The following DCTN6 variants were observed in gnomAD, a reference collection of about 807,000 sequenced individuals.
DCTN6 encodes dynactin subunit 6.
In DCTN6, 15 loss-of-function variants were observed where a neutral mutation model predicts 25.8. The observed-to-expected ratio is 0.58, with a 90% confidence interval of 0.39 to 0.89. The LOEUF (loss-of-function observed/expected upper bound fraction) is 0.89, where lower values mean the gene tolerates loss of function less well. DCTN6 is among the 40% of genes least tolerant of loss of function. The probability of loss-of-function intolerance (pLI) is 0.00; values close to 1 mark genes in which losing one functional copy is unlikely to be tolerated. For synonymous variants in DCTN6, 64 were observed against 78.3 expected (o/e 0.82, Z 0.96); for missense variants, 198 against 237.6 (o/e 0.83, Z 1.09).
chr8:30,162,573 C>T (rs1431603493), intron 1 of DCTN6, among the ~76,000 whole-genome samples: 1 of 152,170 alleles, frequency 6.6e-6, no homozygotes, highest in Admixed American at 6.5e-5. Flanking sequence ...AAAGAAGTTT[C>T]CTAATAACTA....
At chr8:30,173,854 A>T (rs1803796166) in intron 2 of DCTN6, among the ~76,000 whole-genome samples, 1 of 151,454 alleles carries the variant, frequency 6.6e-6, no homozygotes, top group Non-Finnish European at 1.5e-5. Flanking sequence ...CAGTTACTTC[A>T]TCTGCACTTG....
At chr8:30,157,326 T>C (rs1803539476) in intron 1 of DCTN6, among the ~76,000 whole-genome samples, 1 of 152,232 alleles carries the variant, frequency 6.6e-6, no homozygotes, top group South Asian at 2.1e-4. Context: ...ATTTCCTTTA[T>C]CCAGTCATCC....
rs1688256611 is a variant in DCTN6, at chr8:30,180,606, TC to T, written c.451del (p.Arg151GlyfsTer17). On this transcript the variant is annotated frameshift_variant, in exon 6 of 7. Coordinates refer to ENST00000221114, the MANE Select transcript of DCTN6 (RefSeq NM_006571.4). LOFTEE classifies it high-confidence loss of function. ...TVIYGADCLR[R>X]VQTERPQPQT... ...TGATCTATGGTGCAGACTGCCTTCGTCGGGTGCAGACTGAGCGACCGCAGGT... is the reference window on the plus strand; with the variant it reads ...TGATCTATGGTGCAGACTGCCTTCGTGGGTGCAGACTGAGCGACCGCAGGT... 6.2e-7 allele frequency: 1 copy of T among 1,614,018 alleles called. No individual in the cohort carries two copies. The highest frequency in any genetic ancestry group is 1.1e-5 in the South Asian group (1 of 91,090).
chr8:30,174,974 A>T, intron 2 of DCTN6, 111 bp from the exon 3 acceptor site: 1 of 950,516 alleles, frequency 1.1e-6, no homozygotes, highest in East Asian at 2.7e-5. Context: ...TGCCTGGCAC[A>T]TACTTAGAAA....
intron 2 of DCTN6, among the ~76,000 whole-genome samples, chr8:30,172,107 C>A (rs770362682): frequency 1.3e-5 from 2 of 152,214 alleles, no homozygotes. Flanking sequence ...TTGGTTCCCA[C>A]AGCTGGAAGC....
chr8:30,167,383 T>C (rs1228196916), intron 2 of DCTN6, among the ~76,000 whole-genome samples: 1 of 152,198 alleles, frequency 6.6e-6, no homozygotes, highest in Non-Finnish European at 1.5e-5. Flanking sequence ...TCTTGTTCTG[T>C]TGGGCAGGCT....
chr8:30,161,415 A>C (rs1369027725), intron 1 of DCTN6, among the ~76,000 whole-genome samples: 2 of 151,806 alleles, frequency 1.3e-5, no homozygotes, highest in Admixed American at 1.3e-4. Context: ...GACCCCCCCC[A>C]CCACCAAGTA....
rs1323136604 is a variant in DCTN6, at chr8:30,162,662, CT to C, written c.24-1446del. On this transcript the variant is annotated intron_variant, in intron 1 of 6. Transcript: ENST00000221114. Reference sequence around the variant, plus strand: ...AGCTAGGGTCAGTGTTTACATACAGCTTTGTCAAACAAAAGATAACAGCAGA... The same window carrying C: ...AGCTAGGGTCAGTGTTTACATACAGCTTGTCAAACAAAAGATAACAGCAGA... Among the ~76,000 whole-genome samples, 8 of 152,178 alleles carry C rather than the reference CT, an allele frequency of 5.3e-5. No individual in the cohort carries two copies. In the East Asian group the frequency reaches 1.5e-3, roughly 29 times the overall value.
At chr8:30,166,555 G>T (rs1420618212) in intron 2 of DCTN6, among the ~76,000 whole-genome samples, 1 of 151,140 alleles carries the variant, frequency 6.6e-6, no homozygotes, top group African/African-American at 2.5e-5. Flanking sequence ...TTATGTGGTG[G>T]GGGGGGTATG....
intron 2 of DCTN6, among the ~76,000 whole-genome samples, chr8:30,173,801 C>A (rs187176624): frequency 4.4e-4 from 67 of 151,690 alleles, no homozygotes; most frequent in South Asian, 2.7e-3. Flanking sequence ...ATCCCCCACC[C>A]CCTCTATCAA....
chr8:30,175,599 C>G (rs1336647947), intron 3 of DCTN6, among the ~76,000 whole-genome samples: 1 of 151,298 alleles, frequency 6.6e-6, no homozygotes, highest in Non-Finnish European at 1.5e-5. Flanking sequence ...GAATTTAACT[C>G]AAATATATTT....
chr8:30,177,332 G>A (rs1199325724), intron 4 of DCTN6, 118 bp downstream of exon 4: 1 of 673,826 alleles, frequency 1.5e-6, no homozygotes, highest in Non-Finnish European at 2.5e-6. Context: ...GTCTTCTCCT[G>A]TAGAAATTGT....
intron 2 of DCTN6, among the ~76,000 whole-genome samples, chr8:30,166,782 C>T (rs1004297599): frequency 6.6e-6 from 1 of 152,072 alleles, no homozygotes; most frequent in Non-Finnish European, 1.5e-5. Context: ...TTCCTACCTT[C>T]CCTACATGTT....
chr8:30,161,855 C>G (rs1380203539), intron 1 of DCTN6, among the ~76,000 whole-genome samples: 1 of 150,872 alleles, frequency 6.6e-6, no homozygotes, highest in East Asian at 2.0e-4. Flanking sequence ...TCACACCACT[C>G]TCCTGCCTCA....
chr8:30,158,026 C>G (rs530581399), intron 1 of DCTN6, among the ~76,000 whole-genome samples: 1 of 144,330 alleles, frequency 6.9e-6, no homozygotes, highest in Non-Finnish European at 1.6e-5. Flanking sequence ...CGGCTCACCT[C>G]TCTGCTCCCA....
intron 2 of DCTN6, among the ~76,000 whole-genome samples, chr8:30,164,895 GA>G (rs1208655108): frequency 1.3e-5 from 2 of 152,192 alleles, no homozygotes; most frequent in Non-Finnish European, 1.5e-5. Flanking sequence ...CAGCCTTCCT[GA>G]AAGTTCCACA....
intron 4 of DCTN6, 95 bp downstream of exon 4, chr8:30,177,309 C>A: frequency 1.1e-6 from 1 of 938,638 alleles, no homozygotes; most frequent in African/African-American, 1.7e-5. Context: ...CCTGGCTCTC[C>A]TTTAGTACCT....
intron 3 of DCTN6, chr8:30,176,872 G>T: frequency 3.0e-6 from 1 of 332,692 alleles, no homozygotes; most frequent in East Asian, 6.9e-5. Context: ...CTACTCGGGA[G>T]GCTGAGGCAG....
intron 1 of DCTN6, among the ~76,000 whole-genome samples, chr8:30,157,964 G>A (rs1803548374): frequency 6.6e-6 from 1 of 152,218 alleles, no homozygotes. Context: ...TTAAGGTATT[G>A]TTGACTTGTT....
Sources: gnomAD v4.1 joint callset for allele counts (sites outside exome capture counted in the v4.1 genomes callset) on GRCh38, gnomAD v4.1.1 for gene constraint, MANE v1.5 for transcripts, NCBI Gene and HGNC (gene_info 2026-07-23, HGNC 2026-07-21) for gene names.